The following SLC12A7 variants were observed in gnomAD, a reference collection of about 807,000 sequenced individuals.
SLC12A7 encodes the protein solute carrier family 12 member 7, also known as K-Cl cotransporter 4.
SLC12A7 carries 100 observed loss-of-function variants against 120.6 expected under a neutral mutation model. The observed-to-expected ratio is 0.83, with a 90% confidence interval of 0.71 to 0.98. The LOEUF (loss-of-function observed/expected upper bound fraction) is 0.98, where lower values mean the gene tolerates loss of function less well. Among genes scored for constraint, SLC12A7 ranks in the 50% least tolerant of loss-of-function variants. The probability of loss-of-function intolerance (pLI) is 0.00; values close to 1 mark genes in which losing one functional copy is unlikely to be tolerated. For missense variants in SLC12A7, 1,373 were observed against 1,548.1 expected (o/e 0.89, Z 1.90); for synonymous variants, 760 against 678.0 (o/e 1.12, Z -1.88).
chr5:1,152,293 G>A, the SLC12A7 span, among the ~76,000 whole-genome samples: 1 of 152,222 alleles, frequency 6.6e-6, no homozygotes, highest in Non-Finnish European at 1.5e-5. Flanking sequence ...GTGTGCAGGG[G>A]GCAGTCATGC....
At chr5:1,127,598 C>T in the SLC12A7 span, among the ~76,000 whole-genome samples, 2 of 152,198 alleles carry the variant, frequency 1.3e-5, no homozygotes, top group Non-Finnish European at 2.9e-5. Flanking sequence ...GATGGATATA[C>T]AAATACCACA....
At chr5:1,067,814 C>CA (rs1264095235) in intron 17 of SLC12A7, among the ~76,000 whole-genome samples, 2 of 149,758 alleles carry the variant, frequency 1.3e-5, no homozygotes, top group African/African-American at 2.5e-5. Flanking sequence ...ACCCTGTTAT[C>CA]ACAAGTCAGC....
chr5:1,105,266 C>T (rs1478202858), intron 1 of SLC12A7, among the ~76,000 whole-genome samples: 1 of 150,234 alleles, frequency 6.7e-6, no homozygotes, highest in African/African-American at 2.5e-5. Flanking sequence ...AGGGAACCCT[C>T]CCCGCAGGGG....
intron 1 of SLC12A7, among the ~76,000 whole-genome samples, chr5:1,104,215 G>A (rs549750897): frequency 2.0e-4 from 30 of 152,302 alleles, no homozygotes; most frequent in East Asian, 5.8e-4. Context: ...ACCCGCTGGC[G>A]CCAGAGGTCT....
intron 9 of SLC12A7, 148 bp downstream of exon 9, chr5:1,081,429 G>A: frequency 1.3e-6 from 1 of 788,968 alleles, no homozygotes; most frequent in Non-Finnish European, 1.9e-6. Context: ...AGACTCAGGT[G>A]GGAGGAATAT....
At chr5:1,059,630 G>C (rs1454314713) in intron 21 of SLC12A7, among the ~76,000 whole-genome samples, 1 of 152,146 alleles carries the variant, frequency 6.6e-6, no homozygotes, top group Non-Finnish European at 1.5e-5. Flanking sequence ...AGTGGCCATG[G>C]GGCCCAGGCC....
chr5:1,149,406 A>T, the SLC12A7 span, among the ~76,000 whole-genome samples: 1 of 151,010 alleles, frequency 6.6e-6, no homozygotes. Flanking sequence ...GCGAAACCGC[A>T]TCTCTACTAA....
intron 23 of SLC12A7, 46 bp from the exon 24 acceptor site, chr5:1,052,497 G>GT (rs1246166899): frequency 6.7e-7 from 1 of 1,498,906 alleles, no homozygotes; most frequent in African/African-American, 1.4e-5. Context: ...ACCTGAGCGT[G>GT]TGTAGCTGAA....
chr5:1,155,812 T>C, the SLC12A7 span, among the ~76,000 whole-genome samples: 7 of 150,596 alleles, frequency 4.6e-5, no homozygotes, highest in South Asian at 1.3e-3. Context: ...TCGCCTTCCT[T>C]GGCCCCGGGC....
intron 22 of SLC12A7, 135 bp downstream of exon 22, chr5:1,057,336 C>T: frequency 1.1e-6 from 1 of 923,578 alleles, no homozygotes; most frequent in South Asian, 1.8e-5. Context: ...AGGCGGCTCC[C>T]TGTTCTCTAA....
intron 17 of SLC12A7, among the ~76,000 whole-genome samples, chr5:1,067,800 G>C (rs936769815): frequency 2.0e-5 from 3 of 152,188 alleles, no homozygotes; most frequent in African/African-American, 7.2e-5. Flanking sequence ...CACTGTGTGG[G>C]GAGACCCTGT....
At chr5:1,154,360 CA>C in the SLC12A7 span, among the ~76,000 whole-genome samples, 2 of 147,014 alleles carry the variant, frequency 1.4e-5, no homozygotes, top group Non-Finnish European at 3.1e-5. Context: ...CCGCAACACA[CA>C]CACACACACA....
Position 1,081,621 on chromosome 5 carries a change from G to T in SLC12A7, c.1253C>A (p.Ala418Asp), listed in dbSNP as rs757676648. The change falls in exon 9 of 24, where the codon GCC becomes GAC. Residue 418 changes from alanine (A) to aspartate (D), a missense_variant. Coordinates refer to ENST00000264930, the MANE Select transcript of SLC12A7 (RefSeq NM_006598.3). ...GATGCCAACCAGCAGGGTGAAGGAG[G>T]CCGCGATGTCGGTGAGCACGTAGGG... ...ALPYVLTDIA[A>D]SFTLLVGIYF... 2.5e-6 allele frequency: 4 copies of T among 1,610,912 alleles called. No homozygotes were observed. Among genetic ancestry groups the T allele is most frequent in the Non-Finnish European group, 3.4e-6 (4 of 1,178,080 alleles).
intron 9 of SLC12A7, 150 bp from the exon 10 acceptor site, chr5:1,079,646 C>T (rs1412806091): frequency 3.6e-5 from 24 of 658,374 alleles, no homozygotes; most frequent in Admixed American, 1.3e-4. Flanking sequence ...CGCCAGCCCA[C>T]GCTGCAATAC....
chr5:1,154,731 C>A, the SLC12A7 span, among the ~76,000 whole-genome samples: 1 of 152,332 alleles, frequency 6.6e-6, no homozygotes, highest in East Asian at 1.9e-4. Flanking sequence ...GGCCCCCACA[C>A]ACGTGAGCTG....
At chr5:1,139,945 C>T in the SLC12A7 span, among the ~76,000 whole-genome samples, 2 of 152,218 alleles carry the variant, frequency 1.3e-5, no homozygotes, top group Non-Finnish European at 2.9e-5. Context: ...CAAGAAGTGC[C>T]AAGAAGACCT....
In SLC12A7 at chr5:1,084,094, C is replaced by T. The variant is rs144945078; in HGVS notation, c.918-138G>A. ...CCCTGCACCTCCCAAGACAGGAAGG[C>T]CACAGATCACGCCAGGGACCGGGCC... On this transcript the variant is annotated intron_variant, in intron 7 of 23. Coordinates refer to ENST00000264930, the MANE Select transcript of SLC12A7 (RefSeq NM_006598.3). 1.6e-3 allele frequency: 1,122 copies of T among 704,504 alleles called. 12 individuals carry two copies. In the African/African-American group the frequency reaches 0.017, roughly 11 times the overall value. The allele number at this position is 704,504 out of a possible 1,614,324, so 43.6% of individuals were successfully genotyped here.
Position 1,073,734 on chromosome 5 carries a change from A to G in SLC12A7, c.2140T>C (p.Phe714Leu). 1 of 1,573,452 alleles carries G rather than the reference A, an allele frequency of 6.4e-7. No individual in the cohort carries two copies. The highest frequency in any genetic ancestry group is 8.6e-7 in the Non-Finnish European group (1 of 1,157,510). Residue 714 changes from phenylalanine (F) to leucine (L), a missense_variant, in exon 17 of 24, where the codon TTC becomes CTC. Coordinates refer to ENST00000264930, the MANE Select transcript of SLC12A7 (RefSeq NM_006598.3). The stretch of plus-strand genomic sequence containing the variant: ...TTGCCGGCCTTCAGCTGCGACGTGA[A>G]GGACAGCAGGCGGGGGTGCTTCACG... ...QAVKHPRLLS[F>L]TSQLKAGKGL... is the part of the protein sequence containing the mutation.
intron 12 of SLC12A7, among the ~76,000 whole-genome samples, chr5:1,077,379 C>G (rs1464313783): frequency 6.6e-6 from 1 of 152,230 alleles, no homozygotes; most frequent in Non-Finnish European, 1.5e-5. Flanking sequence ...CAATCGGCAG[C>G]TCTGGGCACA....
Sources: gnomAD v4.1 joint callset for allele counts (sites outside exome capture counted in the v4.1 genomes callset) on GRCh38, gnomAD v4.1.1 for gene constraint, MANE v1.5 for transcripts, NCBI Gene and HGNC (gene_info 2026-07-23, HGNC 2026-07-21) for gene names.